FBXL2: variants seen among roughly 807,000 people sequenced by gnomAD.
FBXL2 encodes the protein F-box/LRR-repeat protein 2.
In FBXL2, 38 loss-of-function variants were observed where a neutral mutation model predicts 69.2. The observed-to-expected ratio is 0.55, with a 90% CI of 0.42 to 0.72. The LOEUF (loss-of-function observed/expected upper bound fraction) is 0.72. Ranked by LOEUF, FBXL2 falls within the 30% of genes least tolerant of loss-of-function variation. The probability of loss-of-function intolerance (pLI) is 0.00; values close to 1 mark genes in which losing one functional copy is unlikely to be tolerated. For synonymous variants in FBXL2, 192 were observed against 201.3 expected, an observed-to-expected ratio of 0.95 and a Z score of 0.39; for missense variants, 354 against 520.3, an observed-to-expected ratio of 0.68 and a Z score of 3.11.
intron 2 of FBXL2, among the ~76,000 whole-genome samples, chr3:33,341,837 A>G (rs1428403682): frequency 6.8e-6 from 1 of 148,082 alleles, no homozygotes; most frequent in African/African-American, 2.5e-5. Flanking sequence ...CTCAGGAAAA[A>G]AAAAAAAAAA....
chr3:33,351,502 A>G (rs2040827030), intron 2 of FBXL2, among the ~76,000 whole-genome samples: 1 of 152,212 alleles, frequency 6.6e-6, no homozygotes, highest in Non-Finnish European at 1.5e-5. Flanking sequence ...AAACTCCAGT[A>G]TTCCAGTGAA....
chr3:33,338,783 G>A (rs1361233304), intron 2 of FBXL2, among the ~76,000 whole-genome samples: 1 of 152,038 alleles, frequency 6.6e-6, no homozygotes, highest in African/African-American at 2.4e-5. Flanking sequence ...AGCTCAAGGT[G>A]GGTTAAAGAC....
At chr3:33,351,784 C>T (rs978404567) in intron 2 of FBXL2, among the ~76,000 whole-genome samples, 3 of 151,856 alleles carry the variant, frequency 2.0e-5, no homozygotes, top group East Asian at 1.9e-4. Flanking sequence ...GTCAAGCGGT[C>T]GTATATTTAA....
chr3:33,412,310 C>T, the FBXL2 span, among the ~76,000 whole-genome samples: 1 of 151,556 alleles, frequency 6.6e-6, no homozygotes, highest in Non-Finnish European at 1.5e-5. Context: ...AAACAACTCT[C>T]TCGGTTCTTT....
rs2037828680 is a variant in FBXL2 at position 33,317,628 on chromosome 3, T to C, written c.65+19903T>C. On this transcript the variant is annotated intron_variant, in intron 2 of 14. Coordinates refer to ENST00000484457, the MANE Select transcript of FBXL2 (RefSeq NM_012157.5). ...TAGCAGTAGGGGTATGTTTCTGTTCTATTCCATTCCATTCCCTATTTTGTT... is the reference window on the plus strand; with the variant it reads ...TAGCAGTAGGGGTATGTTTCTGTTCCATTCCATTCCATTCCCTATTTTGTT... 3.3e-5 allele frequency: 13 copies of C among 398,772 alleles called. 1 individual carries two copies. Among genetic ancestry groups the C allele is most frequent in the South Asian group, 2.4e-4 (13 of 53,128 alleles). The allele number at this position is 398,772 out of a possible 1,614,324, so 24.7% of individuals were successfully genotyped here.
At chr3:33,290,873 A>C (rs1455667291) in intron 1 of FBXL2, among the ~76,000 whole-genome samples, 1 of 152,170 alleles carries the variant, frequency 6.6e-6, no homozygotes, top group African/African-American at 2.4e-5. Context: ...TATAAAGGTG[A>C]ACAGTAATAT....
chr3:33,330,935 A>T (rs1309286491), intron 2 of FBXL2, among the ~76,000 whole-genome samples: 5 of 151,544 alleles, frequency 3.3e-5, no homozygotes, highest in African/African-American at 1.2e-4. Context: ...ACACACAAAT[A>T]TATCTATATC....
intron 12 of FBXL2, chr3:33,396,601 T>G (rs2154055228): frequency 2.5e-6 from 1 of 404,974 alleles, no homozygotes; most frequent in Non-Finnish European, 4.6e-6. Context: ...ACCACAAGTA[T>G]AGAAAGAGCA....
At chr3:33,393,695 CAG>C (rs2043857819) in intron 12 of FBXL2, among the ~76,000 whole-genome samples, 1 of 152,098 alleles carries the variant, frequency 6.6e-6, no homozygotes, top group East Asian at 1.9e-4. Flanking sequence ...TAAACATTAA[CAG>C]AAATCCCTGG....
chr3:33,395,849 C>CAAAAAA (rs1185296193), intron 12 of FBXL2, among the ~76,000 whole-genome samples: 1 of 105,878 alleles, frequency 9.4e-6, no homozygotes, highest in Non-Finnish European at 2.1e-5. Flanking sequence ...TAAATCTGAC[C>CAAAAAA]AAAAAAAAAA....
intron 1 of FBXL2, among the ~76,000 whole-genome samples, chr3:33,291,048 G>A (rs2035173065): frequency 6.6e-6 from 1 of 151,754 alleles, no homozygotes; most frequent in Non-Finnish European, 1.5e-5. Flanking sequence ...TCCCACCTTA[G>A]CCTCCTGAAT....
In FBXL2 at chr3:33,373,356, G is replaced by A. The variant is rs942342789; in HGVS notation, c.455+1G>A. The A allele has an allele frequency of 6.3e-7, 1 of 1,599,886 alleles. No homozygotes were observed. Among genetic ancestry groups the A allele is most frequent in the Non-Finnish European group, 8.6e-7 (1 of 1,167,040 alleles). On this transcript the variant is annotated splice_donor_variant, in intron 7 of 14. Transcript: ENST00000484457. LOFTEE classifies it high-confidence loss of function. Reference sequence around the variant, plus strand: ...CAAACAGCTCCTTGAAGGGGATCAGGTAAGAGTGCCCATTGTTTGTGTCAA... The same window carrying A: ...CAAACAGCTCCTTGAAGGGGATCAGATAAGAGTGCCCATTGTTTGTGTCAA...
intron 1 of FBXL2, among the ~76,000 whole-genome samples, chr3:33,279,302 G>A (rs2033695445): frequency 6.7e-6 from 1 of 150,170 alleles, no homozygotes; most frequent in South Asian, 2.1e-4. Context: ...ACGGAGTCTC[G>A]CTCTGTCGCC....
chr3:33,285,282 T>C (rs760576460), intron 1 of FBXL2, among the ~76,000 whole-genome samples: 5 of 152,208 alleles, frequency 3.3e-5, no homozygotes, highest in Non-Finnish European at 7.3e-5. Context: ...AAGGATTTTA[T>C]TTCTCCTTCA....
At chr3:33,412,385 A>G in the FBXL2 span, among the ~76,000 whole-genome samples, 3 of 152,068 alleles carry the variant, frequency 2.0e-5, no homozygotes, top group East Asian at 1.9e-4. Context: ...ATATATATGT[A>G]TGTGTGTGCG....
intron 12 of FBXL2, chr3:33,400,051 A>G (rs569318750): frequency 2.1e-6 from 1 of 483,262 alleles, no homozygotes; most frequent in African/African-American, 2.0e-5. Context: ...GGATAGATAT[A>G]AAGAACTTCT....
rs556502898 is a variant in FBXL2 at position 33,315,438 on chromosome 3, A to G, written c.65+17713A>G. Among the ~76,000 whole-genome samples the G allele has an allele frequency of 1.5e-4, 23 of 149,662 alleles. No individual in the cohort carries two copies. The Admixed American group carries it at 1.5e-3, about 10-fold the overall frequency. On this transcript the variant is annotated intron_variant, in intron 2 of 14. Coordinates refer to ENST00000484457, the MANE Select transcript of FBXL2 (RefSeq NM_012157.5). ...CATTTCTTTTGTATTATCAATGCAA[A>G]TGTCAGTTTAAAAAAAAAAAAAGAT...
chr3:33,375,433 C>CT lies in FBXL2; in HGVS notation c.788+20dup, dbSNP rs1559630218. On this transcript the variant is annotated intron_variant, in intron 10 of 14. Coordinates refer to ENST00000484457, the MANE Select transcript of FBXL2 (RefSeq NM_012157.5). ...CCGCGACTGCAGTGAGTACACTGCA[C>CT]TTTTTGCTTTGCAGCTCAGAGTTTG... The CT allele has an allele frequency of 6.2e-7, 1 of 1,607,184 alleles. No homozygotes were observed. Among genetic ancestry groups the CT allele is most frequent in the Non-Finnish European group, 8.5e-7 (1 of 1,174,348 alleles).
chr3:33,373,054 C>T (rs775975896), intron 5 of FBXL2, 38 bp from the exon 6 acceptor site: 1 of 1,586,012 alleles, frequency 6.3e-7, no homozygotes, highest in East Asian at 2.2e-5. Context: ...GGCTGTCCAG[C>T]AACTTGCAGG....
Sources: allele counts gnomAD v4.1 joint callset (sites outside exome capture counted in the v4.1 genomes callset), GRCh38; gene constraint gnomAD v4.1.1; transcripts MANE v1.5; gene names NCBI Gene and HGNC (gene_info 2026-07-23, HGNC 2026-07-21).